DCC: variants seen among roughly 807,000 people sequenced by gnomAD.
DCC encodes the protein netrin receptor DCC.
In DCC, 58 loss-of-function variants were observed where a neutral mutation model predicts 172.5. The observed-to-expected ratio is 0.34, with a 90% confidence interval of 0.27 to 0.42. DCC has a LOEUF of 0.42. Among genes scored for constraint, DCC ranks in the 10% least tolerant of loss-of-function variants. The probability of loss-of-function intolerance (pLI) is 1.00; values close to 1 mark genes in which losing one functional copy is unlikely to be tolerated. For missense variants in DCC, 1,740 were observed against 1,791.0 expected (o/e 0.97, Z 0.51); for synonymous variants, 709 against 644.5 (o/e 1.10, Z -1.52).
At chr18:53,407,945 T>A (rs1909770953) in intron 19 of DCC, among the ~76,000 whole-genome samples, 1 of 152,094 alleles carries the variant, frequency 6.6e-6, no homozygotes, top group African/African-American at 2.4e-5. Context: ...GAACTCCAAG[T>A]TTAATATTTA....
intron 1 of DCC, among the ~76,000 whole-genome samples, chr18:52,367,497 C>CTTCT (rs1278927587): frequency 1.3e-5 from 2 of 152,214 alleles, no homozygotes; most frequent in Non-Finnish European, 2.9e-5. Flanking sequence ...ATCTCCTCTT[C>CTTCT]AGAAGGACAC....
intron 10 of DCC, among the ~76,000 whole-genome samples, chr18:53,206,653 T>C (rs910168388): frequency 2.1e-5 from 3 of 145,436 alleles, no homozygotes; most frequent in Non-Finnish European, 4.5e-5. Context: ...ATATAATATA[T>C]GTATACATAT....
chr18:53,203,841 T>C (rs1269908343), intron 9 of DCC, among the ~76,000 whole-genome samples: 2 of 152,228 alleles, frequency 1.3e-5, no homozygotes, highest in East Asian at 3.8e-4. Context: ...TATCATTTGT[T>C]GATTTTAGGT....
chr18:52,697,022 G>A (rs1416646863), intron 1 of DCC, among the ~76,000 whole-genome samples: 1 of 152,194 alleles, frequency 6.6e-6, no homozygotes, highest in Non-Finnish European at 1.5e-5. Context: ...CATTAAAAAG[G>A]CACTTTGTAC....
intron 2 of DCC, among the ~76,000 whole-genome samples, chr18:52,892,082 C>T (rs1030909966): frequency 1.3e-5 from 2 of 152,086 alleles, no homozygotes; most frequent in African/African-American, 4.8e-5. Flanking sequence ...AATCTTTTGC[C>T]ATGTTCCTCT....
intron 7 of DCC, among the ~76,000 whole-genome samples, chr18:53,124,910 C>T (rs1040493875): frequency 1.3e-5 from 2 of 151,586 alleles, no homozygotes; most frequent in African/African-American, 4.8e-5. Context: ...GTGGAGGTTG[C>T]AGTGAGCTAA....
In DCC at chr18:52,506,344, T is replaced by A. The variant is rs184389724; in HGVS notation, c.91+165466T>A. Reference sequence around the variant, plus strand: ...ATGATTTATAATCTATTAGATTTTTTAAAACTATTTAAGGTTGACCTGTGA... The same window carrying A: ...ATGATTTATAATCTATTAGATTTTTAAAAACTATTTAAGGTTGACCTGTGA... On this transcript the variant is annotated intron_variant, in intron 1 of 28. Coordinates refer to ENST00000442544, the MANE Select transcript of DCC (RefSeq NM_005215.4). Among the ~76,000 whole-genome samples, 553 of 152,262 alleles carry A rather than the reference T, an allele frequency of 3.6e-3. 4 individuals are homozygous for A. Among genetic ancestry groups the A allele is most frequent in the African/African-American group, 0.012 (487 of 41,586 alleles).
At chr18:52,448,967 T>C (rs1239412905) in intron 1 of DCC, among the ~76,000 whole-genome samples, 2 of 152,250 alleles carry the variant, frequency 1.3e-5, no homozygotes, top group Non-Finnish European at 2.9e-5. Context: ...CTCATGCTGC[T>C]GATAAAGACA....
intron 2 of DCC, among the ~76,000 whole-genome samples, chr18:52,752,708 C>T (rs538194991): frequency 6.6e-6 from 1 of 152,284 alleles, no homozygotes; most frequent in South Asian, 2.1e-4. Flanking sequence ...TTCTCTCTCA[C>T]TGAAACCTTG....
At chr18:52,638,398 A>G (rs1176505711) in intron 1 of DCC, among the ~76,000 whole-genome samples, 4 of 152,192 alleles carry the variant, frequency 2.6e-5, no homozygotes, top group Admixed American at 1.3e-4. Flanking sequence ...ATACAGAACC[A>G]CAGAATGGAT....
chr18:53,031,653 CAA>C (rs1021072465), intron 5 of DCC, among the ~76,000 whole-genome samples: 6 of 151,752 alleles, frequency 4.0e-5, no homozygotes, highest in African/African-American at 1.5e-4. Context: ...AAATATAAGA[CAA>C]AAATAAATAT....
chr18:53,329,887 A>G (rs920705842), intron 14 of DCC, among the ~76,000 whole-genome samples: 1 of 152,230 alleles, frequency 6.6e-6, no homozygotes, highest in Non-Finnish European at 1.5e-5. Context: ...GTAACAGAAC[A>G]TAGAAACAGC....
intron 8 of DCC, among the ~76,000 whole-genome samples, chr18:53,165,639 A>G (rs962966437): frequency 2.0e-5 from 3 of 152,214 alleles, no homozygotes; most frequent in Admixed American, 6.6e-5. Context: ...GAATGAGAGA[A>G]TAATGATTTT....
At chr18:52,354,953 T>C (rs1322133721) in intron 1 of DCC, among the ~76,000 whole-genome samples, 1 of 152,122 alleles carries the variant, frequency 6.6e-6, no homozygotes, top group Non-Finnish European at 1.5e-5. Context: ...AATAGCAAAA[T>C]GTGAATGTAT....
At chr18:52,440,854 G>A (rs1175186646) in intron 1 of DCC, among the ~76,000 whole-genome samples, 2 of 152,138 alleles carry the variant, frequency 1.3e-5, no homozygotes, top group South Asian at 2.1e-4. Flanking sequence ...CATAGAGAAA[G>A]GAAAGCAAAA....
chr18:52,859,050 C>A (rs2039094773), intron 2 of DCC, among the ~76,000 whole-genome samples: 1 of 152,148 alleles, frequency 6.6e-6, no homozygotes, highest in Admixed American at 6.5e-5. Flanking sequence ...TGCCTGCCAT[C>A]CCAGCACTTT....
At chr18:52,725,413 C>T (rs541675030) in intron 1 of DCC, among the ~76,000 whole-genome samples, 166 of 152,266 alleles carry the variant, frequency 1.1e-3, no homozygotes, top group African/African-American at 3.3e-3. Flanking sequence ...TTAGGTTAGA[C>T]GGTGACATAA....
intron 8 of DCC, among the ~76,000 whole-genome samples, chr18:53,170,788 T>A (rs2055002312): frequency 6.6e-6 from 1 of 152,182 alleles, no homozygotes; most frequent in African/African-American, 2.4e-5. Flanking sequence ...TCAGAAAGTT[T>A]AATGTGAAGG....
At chr18:53,021,684 A>G (rs1244720527) in intron 5 of DCC, among the ~76,000 whole-genome samples, 1 of 152,222 alleles carries the variant, frequency 6.6e-6, no homozygotes. Context: ...TTGAAGTTCA[A>G]TTGATTGCTT....
Sources: gnomAD v4.1 joint callset for allele counts (sites outside exome capture counted in the v4.1 genomes callset) on GRCh38, gnomAD v4.1.1 for gene constraint, MANE v1.5 for transcripts, NCBI Gene and HGNC (gene_info 2026-07-23, HGNC 2026-07-21) for gene names.